ARHGAP42: variants seen among roughly 807,000 people sequenced by gnomAD.
ARHGAP42 encodes the protein Rho GTPase activating protein 42.
ARHGAP42 carries 63 observed loss-of-function variants against 125.0 expected under a neutral mutation model. The ratio of observed to expected loss-of-function variants is 0.50; its 90% CI spans 0.41 to 0.62. ARHGAP42 has a LOEUF of 0.62. Among genes scored for constraint, ARHGAP42 ranks in the 20% least tolerant of loss-of-function variants. ARHGAP42 has a pLI of 0.00. For missense variants in ARHGAP42, 766 were observed against 1,024.2 expected (o/e 0.75, Z 3.44); for synonymous variants, 339 against 351.0 (o/e 0.97, Z 0.38).
At chr11:100,709,253 T>C (rs1861524401) in intron 1 of ARHGAP42, among the ~76,000 whole-genome samples, 1 of 152,214 alleles carries the variant, frequency 6.6e-6, no homozygotes, top group South Asian at 2.1e-4. Flanking sequence ...TTGGCCAGGC[T>C]GGTCTTGAAC....
chr11:100,876,704 T>G (rs1428045105), intron 4 of ARHGAP42, among the ~76,000 whole-genome samples: 1 of 152,038 alleles, frequency 6.6e-6, no homozygotes, highest in Non-Finnish European at 1.5e-5. Flanking sequence ...AGCAATATAT[T>G]TGCAACTGAA....
chr11:100,762,740 TG>T (rs1220963704), intron 1 of ARHGAP42, among the ~76,000 whole-genome samples: 3 of 152,330 alleles, frequency 2.0e-5, no homozygotes, highest in Non-Finnish European at 4.4e-5. Context: ...TCTTCTCTTC[TG>T]ACTTTTCTCC....
chr11:100,809,015 G>A (rs1864074056), intron 3 of ARHGAP42, among the ~76,000 whole-genome samples: 1 of 152,054 alleles, frequency 6.6e-6, no homozygotes, highest in Non-Finnish European at 1.5e-5. Flanking sequence ...AAGACATTGG[G>A]GCATCTCATT....
At chr11:100,858,117 G>GTGTGTGTGTT (rs33909850) in intron 3 of ARHGAP42, among the ~76,000 whole-genome samples, 5,637 of 134,520 alleles carry the variant, frequency 0.042, 110 homozygotes, top group Admixed American at 0.067. Context: ...GTGTGTGTGT[G>GTGTGTGTGTT]TGTGTGTTTA....
chr11:100,751,430 T>C (rs1405373311), intron 1 of ARHGAP42, among the ~76,000 whole-genome samples: 2 of 151,970 alleles, frequency 1.3e-5, no homozygotes, highest in African/African-American at 4.8e-5. Flanking sequence ...CTTACAGGCA[T>C]GCACTACCAT....
intron 3 of ARHGAP42, among the ~76,000 whole-genome samples, chr11:100,840,214 T>G (rs1256886745): frequency 6.6e-6 from 1 of 152,172 alleles, no homozygotes; most frequent in Non-Finnish European, 1.5e-5. Context: ...ATGCGTCCCC[T>G]ACAAAGTAAC....
intron 6 of ARHGAP42, among the ~76,000 whole-genome samples, chr11:100,924,200 C>T (rs1349531095): frequency 1.3e-5 from 2 of 152,034 alleles, no homozygotes; most frequent in Non-Finnish European, 1.5e-5. Flanking sequence ...TGGGATCTAT[C>T]TTCTACAGAT....
intron 3 of ARHGAP42, among the ~76,000 whole-genome samples, chr11:100,851,677 A>T (rs1229384374): frequency 2.0e-5 from 3 of 152,164 alleles, no homozygotes; most frequent in Admixed American, 2.0e-4. Context: ...TGTTCTTCAG[A>T]AGGCATTCCA....
chr11:100,703,368 T>C (rs1216528450), intron 1 of ARHGAP42, among the ~76,000 whole-genome samples: 1 of 152,206 alleles, frequency 6.6e-6, no homozygotes, highest in Non-Finnish European at 1.5e-5. Flanking sequence ...GAATGCATAA[T>C]AACATATTAT....
chr11:100,979,120 C>A, intron 22 of ARHGAP42, 71 bp downstream of exon 22: 1 of 1,413,420 alleles, frequency 7.1e-7, no homozygotes, highest in Non-Finnish European at 9.8e-7. Context: ...TGACATGACA[C>A]TCTCTGTGAC....
chr11:100,721,696 GCTCCTGAC>G (rs1337451108), intron 1 of ARHGAP42, among the ~76,000 whole-genome samples: 2 of 152,040 alleles, frequency 1.3e-5, no homozygotes, highest in African/African-American at 4.8e-5. Flanking sequence ...GTGGTCTCGA[GCTCCTGAC>G]CTCAGGTGAT....
intron 3 of ARHGAP42, among the ~76,000 whole-genome samples, chr11:100,830,065 G>A (rs1864629930): frequency 6.6e-6 from 1 of 152,192 alleles, no homozygotes; most frequent in African/African-American, 2.4e-5. Flanking sequence ...TAGGATGTTA[G>A]TAAGGGCTCA....
intron 1 of ARHGAP42, among the ~76,000 whole-genome samples, chr11:100,748,709 G>T (rs2120352560): frequency 6.6e-6 from 1 of 152,338 alleles, no homozygotes; most frequent in Non-Finnish European, 1.5e-5. Flanking sequence ...GGCCATCTAT[G>T]GGTTACTGGG....
At chr11:100,959,416 A>AGG (rs1857898199) in intron 12 of ARHGAP42, among the ~76,000 whole-genome samples, 1 of 152,120 alleles carries the variant, frequency 6.6e-6, no homozygotes, top group Admixed American at 6.6e-5. Flanking sequence ...TCTAGAGCTT[A>AGG]AAACTGAGAG....
intron 17 of ARHGAP42, among the ~76,000 whole-genome samples, chr11:100,967,957 C>T (rs577734940): frequency 9.9e-4 from 150 of 152,192 alleles, no homozygotes; most frequent in African/African-American, 3.1e-3. Context: ...CTCTTGACCT[C>T]GTGATGCACC....
intron 14 of ARHGAP42, 54 bp downstream of exon 14, chr11:100,961,043 A>G: frequency 7.9e-7 from 1 of 1,270,188 alleles, no homozygotes; most frequent in Non-Finnish European, 1.1e-6. Context: ...TAGGTAATCT[A>G]AAGTATGGAC....
At chr11:100,854,424 C>T (rs954240343) in intron 3 of ARHGAP42, among the ~76,000 whole-genome samples, 1 of 152,100 alleles carries the variant, frequency 6.6e-6, no homozygotes, top group Admixed American at 6.6e-5. Flanking sequence ...GCTGAAGCAG[C>T]AAGTGATGTT....
chr11:100,968,213 C>T (rs1379482440), intron 17 of ARHGAP42, among the ~76,000 whole-genome samples: 1 of 152,160 alleles, frequency 6.6e-6, no homozygotes, highest in Non-Finnish European at 1.5e-5. Context: ...CTGTAGAAAG[C>T]ATATAGTTGG....
At position 100,992,689 on chromosome 11, in the gene ARHGAP42, T is replaced by G. The variant is rs990863129; in HGVS notation, c.*3888T>G. 15 of 1,584,410 alleles carry G rather than the reference T, an allele frequency of 9.5e-6. No homozygotes were observed. The highest frequency in any genetic ancestry group is 1.8e-5 in the Admixed American group (1 of 55,078). On this transcript the variant is annotated 3_prime_UTR_variant, in exon 24 of 24. Coordinates refer to ENST00000298815, the MANE Select transcript of ARHGAP42 (RefSeq NM_152432.4). Reference sequence around the variant, plus strand: ...GTAATAACGTTGGGAAAATGCAGGTTTATGAATGATGTGGACTTTTAGAGG... The same window carrying G: ...GTAATAACGTTGGGAAAATGCAGGTGTATGAATGATGTGGACTTTTAGAGG...
Sources: gnomAD v4.1 joint callset for allele counts (sites outside exome capture counted in the v4.1 genomes callset) on GRCh38, gnomAD v4.1.1 for gene constraint, MANE v1.5 for transcripts, NCBI Gene and HGNC (gene_info 2026-07-23, HGNC 2026-07-21) for gene names.